DOCK10: variants seen among roughly 807,000 people sequenced by gnomAD.
The protein encoded by DOCK10 is dedicator of cytokinesis 10, also known as dedicator of cytokinesis protein 10.
DOCK10 carries 145 observed loss-of-function variants against 280.1 expected under a neutral mutation model. The observed-to-expected ratio is 0.52, with a 90% CI of 0.45 to 0.59. The LOEUF (loss-of-function observed/expected upper bound fraction) is 0.59. Among genes scored for constraint, DOCK10 ranks in the 20% least tolerant of loss-of-function variants. The probability of loss-of-function intolerance (pLI) is 0.00; values close to 1 mark genes in which losing one functional copy is unlikely to be tolerated. For synonymous variants in DOCK10, 915 were observed against 942.2 expected (o/e 0.97, Z 0.53); for missense variants, 2,368 against 2,651.7 (o/e 0.89, Z 2.35).
At chr2:224,950,007 C>G (rs918606939) in intron 1 of DOCK10, among the ~76,000 whole-genome samples, 2 of 152,140 alleles carry the variant, frequency 1.3e-5, no homozygotes, top group African/African-American at 4.8e-5. Context: ...AAGTCAGGAG[C>G]TAGTTCATGG....
At chr2:224,822,483 C>T (rs934819965) in intron 28 of DOCK10, among the ~76,000 whole-genome samples, 7 of 152,106 alleles carry the variant, frequency 4.6e-5, no homozygotes, top group South Asian at 2.1e-4. Flanking sequence ...ACCTGTCATC[C>T]CAGCACTTAG....
chr2:224,791,389 C>T lies in DOCK10; in HGVS notation c.5311+1585G>A, dbSNP rs1692183830. 3.3e-5 allele frequency among the ~76,000 whole-genome samples: 5 copies of T among 152,068 alleles called. No individual in the cohort carries two copies. The South Asian group carries it at 1.0e-3, about 32-fold the overall frequency. ...GAGCCATGGGTGCCATAGGGTGCCA[C>T]ATCTGGCTTCTTCTCCAAGGTCCTT... is the stretch of plus-strand genomic sequence containing the variant. On this transcript the variant is annotated intron_variant, in intron 47 of 55. Transcript: ENST00000258390.
chr2:224,873,594 C>CAAAAAAA (rs35401247), intron 11 of DOCK10, among the ~76,000 whole-genome samples: 12 of 33,630 alleles, frequency 3.6e-4, no homozygotes, highest in African/African-American at 4.2e-4. Context: ...AAGACCATCT[C>CAAAAAAA]AAAAAAAAAA....
chr2:224,837,929 A>G, intron 24 of DOCK10, 98 bp from the exon 25 acceptor site: 3 of 904,784 alleles, frequency 3.3e-6, no homozygotes, highest in Non-Finnish European at 5.4e-6. Context: ...GTATTTAATA[A>G]TTACTGGGTG....
At chr2:224,921,437 G>A (rs1024466359) in intron 2 of DOCK10, among the ~76,000 whole-genome samples, 4 of 151,616 alleles carry the variant, frequency 2.6e-5, no homozygotes, top group Non-Finnish European at 4.4e-5. Flanking sequence ...ATGGCTACTA[G>A]ATTAGTAATG....
intron 1 of DOCK10, among the ~76,000 whole-genome samples, chr2:225,037,206 A>G (rs1690284771): frequency 6.6e-6 from 1 of 152,198 alleles, no homozygotes; most frequent in Non-Finnish European, 1.5e-5. Context: ...AGACTTTGCA[A>G]TACAGGTGGG....
chr2:224,830,701 T>C (rs1040546069), intron 26 of DOCK10, 89 bp from the exon 27 acceptor site: 4 of 625,948 alleles, frequency 6.4e-6, no homozygotes, highest in African/African-American at 3.7e-5. Flanking sequence ...TACTATAACA[T>C]TGTTATGTTA....
At chr2:224,873,894 T>G in intron 11 of DOCK10, 102 bp downstream of exon 11, 1 of 1,225,038 alleles carries the variant, frequency 8.2e-7, no homozygotes. Flanking sequence ...CACTAGAGAG[T>G]GAGAAATCAG....
chr2:224,876,087 C>T lies in DOCK10; in HGVS notation c.882G>A (p.Glu294=), dbSNP rs1698611286. 1 of 1,613,806 alleles carries T rather than the reference C, an allele frequency of 6.2e-7. No individual in the cohort carries two copies. Among genetic ancestry groups the T allele is most frequent in the African/African-American group, 1.3e-5 (1 of 74,910 alleles). ...TGCTCCTCCTCCCTTGGAGGGGCCC[C>T]TCAGGACTGATTTGCAGAATGCGGT... The part of the protein sequence containing the change: ...TLNRILQISP[E]GPLQGRRSTE... Residue 294 remains glutamate, a synonymous_variant, in exon 8 of 56, where the codon GAG becomes GAA. Coordinates refer to ENST00000258390, the MANE Select transcript of DOCK10 (RefSeq NM_014689.3).
At chr2:224,957,292 C>CCA (rs1553622577) in intron 1 of DOCK10, among the ~76,000 whole-genome samples, 2 of 148,468 alleles carry the variant, frequency 1.3e-5, no homozygotes, top group Non-Finnish European at 3.0e-5. Flanking sequence ...TCCGCCCCCC[C>CCA]CCGGCTTTGT....
intron 47 of DOCK10, among the ~76,000 whole-genome samples, chr2:224,792,078 A>C (rs1028847455): frequency 4.6e-5 from 7 of 152,126 alleles, no homozygotes; most frequent in African/African-American, 1.7e-4. Flanking sequence ...AAACTATATC[A>C]CTCACTTTTT....
At chr2:224,952,592 ATTT>A (rs869058280) in intron 1 of DOCK10, among the ~76,000 whole-genome samples, 4 of 143,568 alleles carry the variant, frequency 2.8e-5, no homozygotes, top group Admixed American at 1.4e-4. Flanking sequence ...CAATTATGTT[ATTT>A]TTTTTTTTTT....
chr2:224,826,533 GA>G lies in DOCK10; in HGVS notation c.3037-2887del, dbSNP rs112128765. ...AACCATTCACTTCACAATTTAAAAA[GA>G]AAAAAAAAAGAAAATACAAATAGCT... On this transcript the variant is annotated intron_variant, in intron 27 of 55. Coordinates refer to ENST00000258390, the MANE Select transcript of DOCK10 (RefSeq NM_014689.3). 1.0e-4 allele frequency among the ~76,000 whole-genome samples: 15 copies of G among 147,574 alleles called. 1 individual carries two copies. Among genetic ancestry groups the G allele is most frequent in the African/African-American group, 2.7e-4 (11 of 40,424 alleles).
intron 27 of DOCK10, among the ~76,000 whole-genome samples, chr2:224,828,038 G>T (rs1694982966): frequency 6.6e-6 from 1 of 152,154 alleles, no homozygotes; most frequent in African/African-American, 2.4e-5. Context: ...ATATTGCAAA[G>T]GCCTCTCCCT....
chr2:225,015,646 G>C (rs1689569136), intron 1 of DOCK10, among the ~76,000 whole-genome samples: 1 of 152,144 alleles, frequency 6.6e-6, no homozygotes, highest in African/African-American at 2.4e-5. Flanking sequence ...AGGCTCTTGG[G>C]AATGGGGCAG....
At position 224,849,615 on chromosome 2, in the gene DOCK10, T is replaced by A; in HGVS notation, c.2143-16A>T. Reference sequence around the variant, plus strand: ...CATAAATACACTGTTTGAAAAGTTATGAGTTGAACAATTATGAGTGTCTGA... The same window carrying A: ...CATAAATACACTGTTTGAAAAGTTAAGAGTTGAACAATTATGAGTGTCTGA... On this transcript the variant is annotated splice_polypyrimidine_tract_variant and intron_variant, in intron 18 of 55. Coordinates refer to ENST00000258390, the MANE Select transcript of DOCK10 (RefSeq NM_014689.3). 6.5e-7 allele frequency: 1 copy of A among 1,547,464 alleles called. No individual in the cohort carries two copies. The highest frequency in any genetic ancestry group is 8.8e-7 in the Non-Finnish European group (1 of 1,130,764).
intron 1 of DOCK10, among the ~76,000 whole-genome samples, chr2:224,934,913 G>C (rs1702601045): frequency 1.3e-5 from 2 of 152,124 alleles, no homozygotes; most frequent in Non-Finnish European, 2.9e-5. Flanking sequence ...CTCTGCATGG[G>C]AAAAGGCACC....
At chr2:224,934,544 A>T (rs72974639) in intron 1 of DOCK10, among the ~76,000 whole-genome samples, 1 of 152,368 alleles carries the variant, frequency 6.6e-6, no homozygotes, top group Non-Finnish European at 1.5e-5. Context: ...CACATCTGTG[A>T]TGGCGAGAAT....
rs138934772 is a variant in DOCK10 at position 224,890,537 on chromosome 2, G to A, written c.417-4006C>T. On this transcript the variant is annotated intron_variant, in intron 4 of 55. Transcript: ENST00000258390. ...TATGACCAACTCAGCTCAGAATGCC[G>A]CAGAAGTGTCTGTCACTGGAGGATG... is the stretch of plus-strand genomic sequence containing the variant. Among the ~76,000 whole-genome samples, 1,010 of 152,310 alleles carry A rather than the reference G, an allele frequency of 6.6e-3. 4 individuals carry two copies. Among genetic ancestry groups the A allele is most frequent in the Middle Eastern group, 0.024 (7 of 294 alleles).
Sources: allele counts gnomAD v4.1 joint callset (sites outside exome capture counted in the v4.1 genomes callset), GRCh38; gene constraint gnomAD v4.1.1; transcripts MANE v1.5; gene names NCBI Gene and HGNC (gene_info 2026-07-23, HGNC 2026-07-21).